KCTD20: variants seen among roughly 807,000 people sequenced by gnomAD.
KCTD20 encodes potassium channel tetramerization domain containing 20.
In KCTD20, 30 loss-of-function variants were observed where a neutral mutation model predicts 39.6. The observed-to-expected ratio is 0.76, with a 90% CI of 0.57 to 1.03. The LOEUF (loss-of-function observed/expected upper bound fraction) is 1.03, where lower values mean the gene tolerates loss of function less well. Among genes scored for constraint, KCTD20 ranks in the 50% least tolerant of loss-of-function variants. The probability of loss-of-function intolerance (pLI) is 0.00; values close to 1 mark genes in which losing one functional copy is unlikely to be tolerated. For synonymous variants in KCTD20, 162 were observed against 180.6 expected, an observed-to-expected ratio of 0.90 and a Z score of 0.83; for missense variants, 422 against 522.0, an observed-to-expected ratio of 0.81 and a Z score of 1.87.
intron 2 of KCTD20, among the ~76,000 whole-genome samples, chr6:36,473,219 C>T (rs1405611345): frequency 6.6e-6 from 1 of 152,002 alleles, no homozygotes; most frequent in Non-Finnish European, 1.5e-5. Context: ...CGCCACCACA[C>T]TCAGCTAATT....
intron 6 of KCTD20, among the ~76,000 whole-genome samples, chr6:36,483,263 C>CTTTTTTTT (rs766717414): frequency 1.4e-3 from 107 of 76,704 alleles, no homozygotes; most frequent in South Asian, 2.7e-3. Context: ...GTGGCTTTTT[C>CTTTTTTTT]TTTTTTTTTT....
At chr6:36,467,168 C>G (rs926777805) in intron 1 of KCTD20, among the ~76,000 whole-genome samples, 1 of 150,432 alleles carries the variant, frequency 6.6e-6, no homozygotes, top group African/African-American at 2.4e-5. Context: ...ATTAGCAGGG[C>G]GTGGTGGTGG....
chr6:36,479,616 A>T lies in KCTD20; in HGVS notation c.563A>T (p.Asn188Ile), dbSNP rs762728394. 1 of 1,609,142 alleles carries T rather than the reference A, an allele frequency of 6.2e-7. No individual in the cohort carries two copies. The change falls in exon 5 of 8, where the codon AAT becomes ATT. Residue 188 changes from asparagine (N) to isoleucine (I), a missense_variant. Coordinates refer to ENST00000373731, the MANE Select transcript of KCTD20 (RefSeq NM_173562.5). ...VLDYYKTGII[N>I]CPDGISIPDL... ...GATTATTACAAAACCGGTATCATCA[A>T]TTGTCCTGATGGCATCTCTATCCCA...
intron 2 of KCTD20, among the ~76,000 whole-genome samples, chr6:36,472,204 T>C (rs1647001822): frequency 6.6e-6 from 1 of 152,206 alleles, no homozygotes; most frequent in Non-Finnish European, 1.5e-5. Flanking sequence ...CCTATCCTGG[T>C]GATCAAAGTG....
At chr6:36,472,588 A>C (rs143132959) in intron 2 of KCTD20, among the ~76,000 whole-genome samples, 1 of 139,542 alleles carries the variant, frequency 7.2e-6, no homozygotes, top group East Asian at 2.2e-4. Flanking sequence ...AAATGTTAAC[A>C]AATCTTGCCA....
chr6:36,463,898 G>A (rs1340921761), intron 1 of KCTD20, among the ~76,000 whole-genome samples: 1 of 152,148 alleles, frequency 6.6e-6, no homozygotes, highest in African/African-American at 2.4e-5. Context: ...GGGAAAAAGG[G>A]GAAGGACAGA....
chr6:36,453,613 C>T (rs1464653963), intron 1 of KCTD20, among the ~76,000 whole-genome samples: 2 of 150,934 alleles, frequency 1.3e-5, no homozygotes, highest in African/African-American at 4.9e-5. Context: ...CTCCTGGGTT[C>T]AAGCGATTCT....
At chr6:36,481,340 A>T (rs1776242705) in intron 5 of KCTD20, among the ~76,000 whole-genome samples, 1 of 152,204 alleles carries the variant, frequency 6.6e-6, no homozygotes, top group Non-Finnish European at 1.5e-5. Flanking sequence ...CAGAATGCTC[A>T]AGGATTATTA....
chr6:36,449,902 C>T (rs1369811950), intron 1 of KCTD20, among the ~76,000 whole-genome samples: 1 of 152,108 alleles, frequency 6.6e-6, no homozygotes, highest in African/African-American at 2.4e-5. Flanking sequence ...CGGTGGCTCA[C>T]GCCTGTAATC....
rs1031835751 is a variant in KCTD20 at position 36,474,851 on chromosome 6, G to A, written c.223G>A (p.Ala75Thr). The A allele has an allele frequency of 1.9e-6, 3 of 1,614,122 alleles. No homozygotes were observed. Among genetic ancestry groups the A allele is most frequent in the Admixed American group, 1.7e-5 (1 of 60,010 alleles). Reference sequence around the variant, plus strand: ...TCAGTTCCCTCACATAATGCCCCTTGCTGAAGACATCAAAGGTTCTTGCTT... The same window carrying A: ...TCAGTTCCCTCACATAATGCCCCTTACTGAAGACATCAAAGGTTCTTGCTT... The part of the protein sequence containing the change: ...NLQFPHIMPL[A>T]EDIKGSCFQS... The change falls in exon 3 of 8, where the codon GCT (alanine) becomes ACT (threonine). Residue 75 changes from alanine to threonine, a missense_variant. Physicochemically the swap from Ala to Thr is moderately conservative, Grantham distance 58. Coordinates refer to ENST00000373731, the MANE Select transcript of KCTD20 (RefSeq NM_173562.5).
At chr6:36,464,938 C>T (rs1389302521) in intron 1 of KCTD20, among the ~76,000 whole-genome samples, 2 of 152,126 alleles carry the variant, frequency 1.3e-5, no homozygotes, top group Non-Finnish European at 2.9e-5. Flanking sequence ...CTCCCACCTC[C>T]TACACAGAGT....
chr6:36,447,733 A>G (rs942633433), intron 1 of KCTD20, among the ~76,000 whole-genome samples: 2 of 151,688 alleles, frequency 1.3e-5, no homozygotes, highest in African/African-American at 2.4e-5. Context: ...GCTCACACCT[A>G]TAATCCCAGC....
intron 1 of KCTD20, chr6:36,452,499 T>C (rs1166320827): frequency 6.6e-6 from 1 of 151,926 alleles, no homozygotes; most frequent in Non-Finnish European, 1.5e-5. Context: ...GTACTGATAG[T>C]CTTTTTTCAT....
intron 1 of KCTD20, among the ~76,000 whole-genome samples, chr6:36,447,719 T>C (rs899650831): frequency 5.3e-5 from 8 of 151,618 alleles, no homozygotes; most frequent in Admixed American, 3.9e-4. Flanking sequence ...TGGTGGGTGC[T>C]GTAGCTCACA....
intron 1 of KCTD20, among the ~76,000 whole-genome samples, chr6:36,451,806 C>T (rs1582304469): frequency 1.3e-5 from 2 of 151,648 alleles, no homozygotes; most frequent in African/African-American, 4.8e-5. Context: ...TAGTTATTTT[C>T]AAACAGATTT....
Position 36,458,556 on chromosome 6 carries a change from A to G in KCTD20, c.-46-11496A>G, listed in dbSNP as rs553823703. 8.0e-4 allele frequency among the ~76,000 whole-genome samples: 120 copies of G among 150,780 alleles called. 1 individual carries two copies. The highest frequency in any genetic ancestry group is 1.1e-3 in the Admixed American group (17 of 15,218). On this transcript the variant is annotated intron_variant, in intron 1 of 7. Coordinates refer to ENST00000373731, the MANE Select transcript of KCTD20 (RefSeq NM_173562.5). ...AACTCCATCTCAAAAAAAAAAAAAAAAAAAGAAAAGAAAGAAAGGTCTGGC... is the reference window on the plus strand; with the variant it reads ...AACTCCATCTCAAAAAAAAAAAAAAGAAAAGAAAAGAAAGAAAGGTCTGGC...
At chr6:36,482,554 A>G (rs907305614) in intron 6 of KCTD20, among the ~76,000 whole-genome samples, 1 of 152,142 alleles carries the variant, frequency 6.6e-6, no homozygotes, top group Non-Finnish European at 1.5e-5. Context: ...CTCCATCTCA[A>G]AAAAACAAAA....
At chr6:36,484,869 A>G (rs1776370148) in intron 7 of KCTD20, 45 bp downstream of exon 7, 9 of 1,134,596 alleles carry the variant, frequency 7.9e-6, no homozygotes, top group South Asian at 1.3e-5. Flanking sequence ...GGTTGGGTCT[A>G]TTGCCACAGC....
At position 36,479,619 on chromosome 6, in the gene KCTD20, G is replaced by T; in HGVS notation, c.566G>T (p.Cys189Phe). Residue 189 changes from cysteine (C) to phenylalanine (F), a missense_variant, in exon 5 of 8, where the codon TGT becomes TTT. Transcript: ENST00000373731. ...TATTACAAAACCGGTATCATCAATT[G>T]TCCTGATGGCATCTCTATCCCAGAT... ...LDYYKTGIINCPDGISIPDLR... is the reference protein window; with the variant it reads ...LDYYKTGIINFPDGISIPDLR... 1 of 1,609,268 alleles carries T rather than the reference G, an allele frequency of 6.2e-7. No homozygotes were observed. The highest frequency in any genetic ancestry group is 8.5e-7 in the Non-Finnish European group (1 of 1,178,220).
Sources: gnomAD v4.1 joint callset for allele counts (sites outside exome capture counted in the v4.1 genomes callset) on GRCh38, gnomAD v4.1.1 for gene constraint, MANE v1.5 for transcripts, NCBI Gene and HGNC (gene_info 2026-07-23, HGNC 2026-07-21) for gene names.